The following TCAF1 variants were observed in gnomAD, a reference collection of about 807,000 sequenced individuals.
TCAF1 encodes TRPM8 channel-associated factor 1.
In TCAF1, 4 loss-of-function variants were observed where a neutral mutation model predicts 27.3. The ratio of observed to expected loss-of-function variants is 0.15; its 90% CI spans 0.07 to 0.34. The LOEUF is 0.34. Among genes scored for constraint, TCAF1 ranks in the 10% least tolerant of loss-of-function variants. TCAF1 has a pLI of 1.00. For synonymous variants in TCAF1, 105 were observed against 167.1 expected (o/e 0.63, Z 2.87); for missense variants, 257 against 425.8 (o/e 0.60, Z 3.49).
At chr7:143,894,771 G>C (rs1813797299) in intron 1 of TCAF1, among the ~76,000 whole-genome samples, 1 of 151,488 alleles carries the variant, frequency 6.6e-6, no homozygotes, top group African/African-American at 2.4e-5. Context: ...AATTACCAAT[G>C]GGAAAAAGCA....
At chr7:143,884,214 C>T (rs942365965) in intron 1 of TCAF1, among the ~76,000 whole-genome samples, 6 of 152,074 alleles carry the variant, frequency 3.9e-5, no homozygotes, top group African/African-American at 1.5e-4. Context: ...AAAATGCATA[C>T]CTTTTAATCC....
intron 1 of TCAF1, among the ~76,000 whole-genome samples, chr7:143,879,914 C>T (rs142997025): frequency 6.6e-6 from 1 of 152,190 alleles, no homozygotes; most frequent in African/African-American, 2.4e-5. Context: ...GGCACGAGTA[C>T]AAGCAGAACA....
chr7:143,899,462 A>G (rs566031918), intron 1 of TCAF1, among the ~76,000 whole-genome samples: 157 of 152,374 alleles, frequency 1.0e-3, no homozygotes, highest in Non-Finnish European at 1.9e-3. Flanking sequence ...GATTATCCAT[A>G]TGGAATAAAC....
chr7:143,893,798 C>G (rs1813756453), intron 1 of TCAF1, among the ~76,000 whole-genome samples: 1 of 151,672 alleles, frequency 6.6e-6, no homozygotes, highest in Admixed American at 6.6e-5. Context: ...AAGGAAAACT[C>G]TATAGCTCTA....
rs76026994 is a variant in TCAF1 at position 143,878,884 on chromosome 7, T to G, written c.-14-2262A>C. ...GGTCCTTAGTAATTCATGCCTGGAC[T>G]CAACCGACCCAATTTCTAAGTTACC... On this transcript the variant is annotated intron_variant, in intron 1 of 8. Transcript: ENST00000479870. Among the ~76,000 whole-genome samples, 675 of 152,298 alleles carry G rather than the reference T, an allele frequency of 4.4e-3. 8 individuals carry two copies. Among genetic ancestry groups the G allele is most frequent in the African/African-American group, 0.015 (625 of 41,552 alleles).
Position 143,886,419 on chromosome 7 carries a change from A to C in TCAF1, c.-14-9797T>G, listed in dbSNP as rs73725414. 2.3e-3 allele frequency: 1,823 copies of C among 782,902 alleles called. 31 individuals are homozygous for C. In the African/African-American group the frequency reaches 0.031, roughly 13 times the overall value. 48.5% of individuals were successfully genotyped at this position (782,902 alleles called of 1,614,324 possible). On this transcript the variant is annotated intron_variant, in intron 1 of 8. Coordinates refer to ENST00000479870, the MANE Select transcript of TCAF1 (RefSeq NM_014719.3). ...GGGACAGGGTACGACATCCCATATA[A>C]ATTAAGGGTTTCATTTCAACTGCTC...
chr7:143,901,424 A>AG (rs944968878), intron 1 of TCAF1, among the ~76,000 whole-genome samples: 19 of 152,216 alleles, frequency 1.2e-4, no homozygotes, highest in African/African-American at 4.1e-4. Context: ...GCTGTTTACC[A>AG]GGGAACTGTA....
intron 1 of TCAF1, among the ~76,000 whole-genome samples, chr7:143,895,924 A>G (rs751113115): frequency 1.2e-4 from 16 of 129,628 alleles, no homozygotes; most frequent in Admixed American, 3.4e-4. Flanking sequence ...AGAAAGAAAG[A>G]AGGAAAAAAA....
Position 143,876,132 on chromosome 7 carries a change from G to A in TCAF1, c.477C>T (p.Asn159=), listed in dbSNP as rs776324681. The A allele has an allele frequency of 6.2e-7, 1 of 1,614,174 alleles. No homozygotes were observed. Among genetic ancestry groups the A allele is most frequent in the Non-Finnish European group, 8.5e-7 (1 of 1,180,024 alleles). ...LIGGQAWDWA[N]QGEDERVLFT... is the part of the protein sequence containing the mutation. The stretch of plus-strand genomic sequence containing the variant: ...ACAGAACCCTTTCATCCTCCCCCTG[G>A]TTGGCCCAATCCCAGGCTTGTCCTC... The change falls in exon 2 of 9, where the codon AAC becomes AAT. Residue 159 remains asparagine, a synonymous_variant. Coordinates refer to ENST00000479870, the MANE Select transcript of TCAF1 (RefSeq NM_014719.3).
intron 1 of TCAF1, among the ~76,000 whole-genome samples, chr7:143,897,420 A>C (rs1240050561): frequency 6.6e-6 from 1 of 151,692 alleles, no homozygotes; most frequent in East Asian, 1.9e-4. Flanking sequence ...TTCTCTAGTT[A>C]AGAATATAAT....
intron 1 of TCAF1, among the ~76,000 whole-genome samples, chr7:143,891,061 A>T (rs892482463): frequency 9.2e-5 from 14 of 152,222 alleles, no homozygotes; most frequent in Non-Finnish European, 1.9e-4. Context: ...TGGTTTAAAG[A>T]CTATGTTCTT....
At chr7:143,900,477 C>A (rs1814068060) in intron 1 of TCAF1, among the ~76,000 whole-genome samples, 1 of 151,974 alleles carries the variant, frequency 6.6e-6, no homozygotes, top group South Asian at 2.1e-4. Context: ...TGAGGCCAAT[C>A]GGCCTGCCAG....
chr7:143,891,824 A>T (rs1813647536), intron 1 of TCAF1, among the ~76,000 whole-genome samples: 1 of 152,200 alleles, frequency 6.6e-6, no homozygotes, highest in Admixed American at 6.5e-5. Context: ...GACACATCAC[A>T]TTCAAACTGC....
intron 1 of TCAF1, among the ~76,000 whole-genome samples, chr7:143,884,773 C>T (rs1192531700): frequency 6.6e-6 from 1 of 151,810 alleles, no homozygotes; most frequent in African/African-American, 2.4e-5. Flanking sequence ...AGAGAGGGAG[C>T]GCTGAAGCAA....
intron 1 of TCAF1, among the ~76,000 whole-genome samples, chr7:143,900,925 T>C (rs948882655): frequency 2.0e-5 from 3 of 152,142 alleles, no homozygotes; most frequent in African/African-American, 7.2e-5. Flanking sequence ...AGAAAGCCAA[T>C]ACATATGTTT....
At chr7:143,875,873 T>A in intron 2 of TCAF1, 116 bp downstream of exon 2, 1 of 882,928 alleles carries the variant, frequency 1.1e-6, no homozygotes, top group South Asian at 2.0e-5. Context: ...TATGTAGTGA[T>A]TCCATATCTG....
chr7:143,901,438 C>T lies in TCAF1; in HGVS notation c.-15+523G>A, dbSNP rs1814106915. Reference sequence around the variant, plus strand: ...GGCTGTTTACCAGGGAACTGTATCACCCAGCACTTGCTGCTTCAGGCCAAA... The same window carrying T: ...GGCTGTTTACCAGGGAACTGTATCATCCAGCACTTGCTGCTTCAGGCCAAA... On this transcript the variant is annotated intron_variant, in intron 1 of 8. Coordinates refer to ENST00000479870, the MANE Select transcript of TCAF1 (RefSeq NM_014719.3). Among the ~76,000 whole-genome samples, 2 of 152,334 alleles carry T rather than the reference C, an allele frequency of 1.3e-5. 1 individual carries two copies. Among genetic ancestry groups the T allele is most frequent in the South Asian group, 4.1e-4 (2 of 4,826 alleles).
intron 1 of TCAF1, among the ~76,000 whole-genome samples, chr7:143,898,290 A>C (rs1186782859): frequency 6.6e-6 from 1 of 152,162 alleles, no homozygotes; most frequent in Non-Finnish European, 1.5e-5. Context: ...TTAAGGACAA[A>C]ACAAGATGCC....
At chr7:143,899,276 C>T (rs990747812) in intron 1 of TCAF1, among the ~76,000 whole-genome samples, 8 of 152,112 alleles carry the variant, frequency 5.3e-5, no homozygotes, top group African/African-American at 1.9e-4. Context: ...GAAGAAGAAA[C>T]AGGTGATAGG....
Sources: allele counts gnomAD v4.1 joint callset (sites outside exome capture counted in the v4.1 genomes callset), GRCh38; gene constraint gnomAD v4.1.1; transcripts MANE v1.5; gene names NCBI Gene and HGNC (gene_info 2026-07-23, HGNC 2026-07-21).